The following PDE1A variants were observed in gnomAD, a reference collection of about 807,000 sequenced individuals.
PDE1A encodes the protein phosphodiesterase 1A.
A neutral mutation model predicts 61.7 loss-of-function variants in PDE1A; 35 were observed. The ratio of observed to expected loss-of-function variants is 0.57; its 90% CI spans 0.43 to 0.75. The LOEUF is 0.75. Ranked by LOEUF, PDE1A falls within the 30% of genes least tolerant of loss-of-function variation. The pLI is 0.00. For missense variants in PDE1A, 597 were observed against 630.6 expected (o/e 0.95, Z 0.57); for synonymous variants, 232 against 213.2 (o/e 1.09, Z -0.77).
chr2:182,686,393 T>C, the PDE1A span, among the ~76,000 whole-genome samples: 6 of 152,372 alleles, frequency 3.9e-5, no homozygotes, highest in African/African-American at 1.4e-4. Context: ...TAGATATGTA[T>C]ATCTATTCAT....
chr2:182,294,684 A>G (rs148360440), intron 1 of PDE1A, among the ~76,000 whole-genome samples: 2 of 152,348 alleles, frequency 1.3e-5, no homozygotes, highest in African/African-American at 2.4e-5. Context: ...GTAAGTTTAT[A>G]GAGTATCAAG....
chr2:182,608,785 G>A, the PDE1A span, among the ~76,000 whole-genome samples: 1 of 152,270 alleles, frequency 6.6e-6, no homozygotes, highest in Non-Finnish European at 1.5e-5. Context: ...GAGTGCGGCC[G>A]CAGGGCGCGG....
At chr2:182,532,009 T>C in the PDE1A span, among the ~76,000 whole-genome samples, 1 of 152,312 alleles carries the variant, frequency 6.6e-6, no homozygotes, top group East Asian at 1.9e-4. Context: ...TTCATCCATG[T>C]CCCTGCAAAG....
chr2:182,540,385 A>G, the PDE1A span, among the ~76,000 whole-genome samples: 763 of 50,684 alleles, frequency 0.015, 9 homozygotes, highest in African/African-American at 0.039. Flanking sequence ...AAAAAAAAAA[A>G]GCAGCAGCAG....
chr2:182,198,137 AT>A lies in PDE1A; in HGVS notation c.1125+3301del, dbSNP rs1345244220. Among the ~76,000 whole-genome samples the A allele has an allele frequency of 2.7e-3, 407 of 151,852 alleles. 1 individual carries two copies. Among genetic ancestry groups the A allele is most frequent in the African/African-American group, 9.6e-3 (398 of 41,502 alleles). ...CATTTAATTAAAGGTTTCCCCCAAAATTTTATTATTTTATGCTGTTATAAAG... is the reference window on the plus strand; with the variant it reads ...CATTTAATTAAAGGTTTCCCCCAAAATTTATTATTTTATGCTGTTATAAAG... On this transcript the variant is annotated intron_variant, in intron 10 of 13. Transcript: ENST00000351439.
intron 1 of PDE1A, among the ~76,000 whole-genome samples, chr2:182,355,903 G>A (rs988576354): frequency 6.6e-6 from 1 of 152,034 alleles, no homozygotes; most frequent in Non-Finnish European, 1.5e-5. Context: ...CATTTGCATT[G>A]AGTTATAGGG....
At chr2:182,314,860 G>A (rs904312375) in intron 1 of PDE1A, among the ~76,000 whole-genome samples, 2 of 152,026 alleles carry the variant, frequency 1.3e-5, no homozygotes, top group African/African-American at 2.4e-5. Context: ...CAATAAAACC[G>A]TTTTTAGAAA....
At chr2:182,465,284 T>C (rs1198519024) in intron 2 of PDE1A, among the ~76,000 whole-genome samples, 1 of 152,152 alleles carries the variant, frequency 6.6e-6, no homozygotes, top group Non-Finnish European at 1.5e-5. Flanking sequence ...AATAATATTG[T>C]AAATGTCTAT....
At chr2:182,649,906 C>T in the PDE1A span, among the ~76,000 whole-genome samples, 1 of 151,996 alleles carries the variant, frequency 6.6e-6, no homozygotes, top group African/African-American at 2.4e-5. Flanking sequence ...CTGTGCCCGG[C>T]CTACAAAAAA....
intron 1 of PDE1A, among the ~76,000 whole-genome samples, chr2:182,304,447 A>C (rs540496018): frequency 6.6e-6 from 1 of 152,284 alleles, no homozygotes; most frequent in African/African-American, 2.4e-5. Flanking sequence ...TCCTTCAAGA[A>C]CTTTTCCTTT....
chr2:182,248,363 C>T (rs925378561), intron 2 of PDE1A, among the ~76,000 whole-genome samples: 1 of 90,090 alleles, frequency 1.1e-5, no homozygotes, highest in African/African-American at 5.7e-5. Flanking sequence ...GAAAAATGCT[C>T]CCACTGGTGT....
intron 7 of PDE1A, among the ~76,000 whole-genome samples, chr2:182,207,611 GAAA>G (rs996663287): frequency 1.8e-4 from 28 of 152,190 alleles, no homozygotes; most frequent in African/African-American, 6.3e-4. Context: ...AGGTAGAAAA[GAAA>G]AACCCATTTT....
intron 2 of PDE1A, among the ~76,000 whole-genome samples, chr2:182,263,228 T>G (rs1447487889): frequency 6.6e-6 from 1 of 152,152 alleles, no homozygotes; most frequent in Non-Finnish European, 1.5e-5. Context: ...CCAAAGGGTC[T>G]GGCTAGACTG....
chr2:182,363,662 A>C (rs1699647020), intron 1 of PDE1A, among the ~76,000 whole-genome samples: 1 of 152,096 alleles, frequency 6.6e-6, no homozygotes, highest in African/African-American at 2.4e-5. Context: ...CTGGGGACAG[A>C]GTAAAAAGAA....
intron 13 of PDE1A, among the ~76,000 whole-genome samples, chr2:182,153,986 G>A (rs1303517898): frequency 1.3e-5 from 2 of 152,120 alleles, no homozygotes; most frequent in East Asian, 3.8e-4. Flanking sequence ...TTTATAAATA[G>A]GACAAATTAA....
chr2:182,254,039 A>G (rs1401045131), intron 2 of PDE1A, among the ~76,000 whole-genome samples: 1 of 152,212 alleles, frequency 6.6e-6, no homozygotes, highest in Non-Finnish European at 1.5e-5. Context: ...TCTTTTTAAA[A>G]TGCAGCAAAT....
At chr2:182,456,450 T>A (rs1475003074) in intron 2 of PDE1A, among the ~76,000 whole-genome samples, 1 of 152,130 alleles carries the variant, frequency 6.6e-6, no homozygotes, top group Non-Finnish European at 1.5e-5. Flanking sequence ...CTTACCCATA[T>A]AAATTTTTGA....
At chr2:182,520,024 T>C (rs1690466477) in intron 2 of PDE1A, among the ~76,000 whole-genome samples, 1 of 151,922 alleles carries the variant, frequency 6.6e-6, no homozygotes, top group African/African-American at 2.4e-5. Flanking sequence ...ATAGGTTTAA[T>C]GAGTAGCATG....
exon 13 of PDE1A, chr2:182,185,963 T>C: frequency 6.2e-7 from 1 of 1,614,056 alleles, no homozygotes; most frequent in South Asian, 1.1e-5. Flanking sequence ...CTTGAAACTC[T>C]TCAGGTCCAC....
Sources: allele counts gnomAD v4.1 joint callset (sites outside exome capture counted in the v4.1 genomes callset), GRCh38; gene constraint gnomAD v4.1.1; transcripts MANE v1.5; gene names NCBI Gene and HGNC (gene_info 2026-07-23, HGNC 2026-07-21).